Variants in TNFSF4 observed in about 807,000 individuals in gnomAD.
The protein encoded by TNFSF4 is TNF superfamily member 4.
A neutral mutation model predicts 7.3 loss-of-function variants in TNFSF4; 4 were observed. The observed-to-expected ratio is 0.55, with a 90% CI of 0.27 to 1.25. The LOEUF is 1.25. Among genes scored for constraint, TNFSF4 ranks in the 50% most tolerant of loss-of-function variants. The probability of loss-of-function intolerance (pLI) is 0.12; values close to 1 mark genes in which losing one functional copy is unlikely to be tolerated. For missense variants in TNFSF4, 181 were observed against 208.8 expected (o/e 0.87, Z 0.82); for synonymous variants, 76 against 83.7 (o/e 0.91, Z 0.50).
chr1:173,265,392 C>G, the TNFSF4 span, among the ~76,000 whole-genome samples: 2 of 152,168 alleles, frequency 1.3e-5, no homozygotes, highest in Non-Finnish European at 2.9e-5. Context: ...TATGCATACT[C>G]AGCTTATACA....
the TNFSF4 span, among the ~76,000 whole-genome samples, chr1:173,415,783 T>G: frequency 6.6e-6 from 1 of 152,254 alleles, no homozygotes; most frequent in African/African-American, 2.4e-5. Flanking sequence ...TGATATTTAC[T>G]GAGAAGAATG....
chr1:173,391,310 GTC>G, the TNFSF4 span, among the ~76,000 whole-genome samples: 20 of 132,332 alleles, frequency 1.5e-4, no homozygotes, highest in South Asian at 2.7e-4. Flanking sequence ...CTTTCTTTCT[GTC>G]TCTCTCTCTC....
the TNFSF4 span, among the ~76,000 whole-genome samples, chr1:173,334,403 G>A: frequency 5.9e-5 from 9 of 152,272 alleles, no homozygotes; most frequent in East Asian, 1.3e-3. Context: ...TCCTGTCAAG[G>A]TAAAAGAAAA....
At chr1:173,272,345 A>AT in the TNFSF4 span, among the ~76,000 whole-genome samples, 1 of 152,060 alleles carries the variant, frequency 6.6e-6, no homozygotes, top group South Asian at 2.1e-4. Context: ...AAGTATAATA[A>AT]TAAAAAAAAC....
the TNFSF4 span, among the ~76,000 whole-genome samples, chr1:173,278,137 G>A: frequency 6.6e-6 from 1 of 151,966 alleles, no homozygotes; most frequent in Admixed American, 6.6e-5. Context: ...AGCCTTTTCT[G>A]ACAACTTTTA....
chr1:173,190,875 C>A (rs752407327), intron 1 of TNFSF4, among the ~76,000 whole-genome samples: 4 of 152,214 alleles, frequency 2.6e-5, no homozygotes, highest in Admixed American at 6.5e-5. Context: ...AAGCAAGTTT[C>A]ATAATCTCCT....
chr1:173,264,936 T>C, the TNFSF4 span, among the ~76,000 whole-genome samples: 3 of 152,162 alleles, frequency 2.0e-5, no homozygotes, highest in Non-Finnish European at 4.4e-5. Flanking sequence ...CACTGCCCAC[T>C]CTACAGTAAA....
the TNFSF4 span, among the ~76,000 whole-genome samples, chr1:173,226,930 T>G: frequency 1.2e-4 from 19 of 152,230 alleles, no homozygotes; most frequent in Admixed American, 9.8e-4. Flanking sequence ...AGGGGAAGTA[T>G]GCTTATATGA....
At chr1:173,391,159 T>A in the TNFSF4 span, among the ~76,000 whole-genome samples, 1 of 152,052 alleles carries the variant, frequency 6.6e-6, no homozygotes, top group Non-Finnish European at 1.5e-5. Context: ...GTATTCAACA[T>A]TTCTATTCTC....
the TNFSF4 span, among the ~76,000 whole-genome samples, chr1:173,423,712 G>A: frequency 3.9e-5 from 6 of 152,184 alleles, no homozygotes; most frequent in Admixed American, 2.0e-4. Flanking sequence ...ACAAAGACAC[G>A]GAAGCAAAGT....
At chr1:173,272,112 C>A in the TNFSF4 span, among the ~76,000 whole-genome samples, 1 of 152,074 alleles carries the variant, frequency 6.6e-6, no homozygotes, top group Non-Finnish European at 1.5e-5. Context: ...AAACCAAACA[C>A]CAAATATTCT....
chr1:173,333,342 C>A, the TNFSF4 span, among the ~76,000 whole-genome samples: 1 of 151,924 alleles, frequency 6.6e-6, no homozygotes, highest in African/African-American at 2.4e-5. Context: ...AACATAAAAG[C>A]TGACCCTCTT....
the TNFSF4 span, among the ~76,000 whole-genome samples, chr1:173,271,157 ATTTGTTTATTTTGGCT>A: frequency 6.6e-6 from 1 of 151,998 alleles, no homozygotes; most frequent in African/African-American, 2.4e-5. Flanking sequence ...ATTAGATCCC[ATTTGTTTATTTTGGCT>A]TTTGTTGCCA....
At chr1:173,446,934 G>C in the TNFSF4 span, among the ~76,000 whole-genome samples, 1 of 152,124 alleles carries the variant, frequency 6.6e-6, no homozygotes, top group Non-Finnish European at 1.5e-5. Flanking sequence ...GTGATAATGT[G>C]AGTCAATACT....
At chr1:173,329,460 A>G in the TNFSF4 span, among the ~76,000 whole-genome samples, 1 of 152,180 alleles carries the variant, frequency 6.6e-6, no homozygotes, top group African/African-American at 2.4e-5. Flanking sequence ...GAATCAACAG[A>G]TGCAAAGCCC....
At chr1:173,231,540 C>T in the TNFSF4 span, among the ~76,000 whole-genome samples, 1 of 152,296 alleles carries the variant, frequency 6.6e-6, no homozygotes, top group South Asian at 2.1e-4. Flanking sequence ...TGGCACAAGA[C>T]AGGGATGCCC....
the TNFSF4 span, among the ~76,000 whole-genome samples, chr1:173,437,642 C>G: frequency 6.6e-6 from 1 of 152,082 alleles, no homozygotes; most frequent in African/African-American, 2.4e-5. Context: ...TCTCAATTGA[C>G]CCAAAACCAC....
chr1:173,237,437 C>T, the TNFSF4 span, among the ~76,000 whole-genome samples: 2 of 152,122 alleles, frequency 1.3e-5, no homozygotes, highest in Non-Finnish European at 2.9e-5. Flanking sequence ...AAACAAAAGG[C>T]ATGCAAATAG....
chr1:173,204,661 T>TATTTCACCTCC (rs1249179089), intron 1 of TNFSF4, among the ~76,000 whole-genome samples: 1 of 152,176 alleles, frequency 6.6e-6, no homozygotes, highest in African/African-American at 2.4e-5. Flanking sequence ...ATTTCAGCTC[T>TATTTCACCTCC]ATTTCACCTC....
Sources: gnomAD v4.1 joint callset for allele counts (sites outside exome capture counted in the v4.1 genomes callset) on GRCh38, gnomAD v4.1.1 for gene constraint, MANE v1.5 for transcripts, NCBI Gene and HGNC (gene_info 2026-07-23, HGNC 2026-07-21) for gene names.